Variants in PPARGC1A observed in about 807,000 individuals in gnomAD.
The protein encoded by PPARGC1A is PPARG coactivator 1 alpha, also known as peroxisome proliferator-activated receptor gamma coactivator 1-alpha.
In PPARGC1A, 25 loss-of-function variants were observed where a neutral mutation model predicts 88.7. The ratio of observed to expected loss-of-function variants is 0.28; its 90% confidence interval spans 0.21 to 0.39. The LOEUF is 0.39. Among genes scored for constraint, PPARGC1A ranks in the 10% least tolerant of loss-of-function variants. The probability of loss-of-function intolerance (pLI) is 1.00; values close to 1 mark genes in which losing one functional copy is unlikely to be tolerated. For synonymous variants in PPARGC1A, 363 were observed against 355.6 expected (o/e 1.02, Z -0.24); for missense variants, 880 against 968.7 (o/e 0.91, Z 1.22).
chr4:24,277,336 G>A, the PPARGC1A span, among the ~76,000 whole-genome samples: 1 of 152,118 alleles, frequency 6.6e-6, no homozygotes, highest in South Asian at 2.1e-4. Flanking sequence ...TCTCCTGACA[G>A]ATGAGCCCCT....
chr4:23,962,709 C>T, the PPARGC1A span, among the ~76,000 whole-genome samples: 2 of 152,124 alleles, frequency 1.3e-5, no homozygotes, highest in Non-Finnish European at 1.5e-5. Context: ...GGAGCCTGCA[C>T]GTACAGATTA....
At chr4:24,391,483 T>C in the PPARGC1A span, among the ~76,000 whole-genome samples, 1 of 152,172 alleles carries the variant, frequency 6.6e-6, no homozygotes, top group Non-Finnish European at 1.5e-5. Flanking sequence ...TGGTTCTGGT[T>C]GGAAATTGAG....
At chr4:24,030,897 G>A in the PPARGC1A span, among the ~76,000 whole-genome samples, 3 of 152,306 alleles carry the variant, frequency 2.0e-5, no homozygotes, top group South Asian at 2.1e-4. Context: ...ACAGTTGTTT[G>A]TGCCAGGCAC....
At chr4:24,310,574 G>A in the PPARGC1A span, among the ~76,000 whole-genome samples, 1 of 152,122 alleles carries the variant, frequency 6.6e-6, no homozygotes, top group Non-Finnish European at 1.5e-5. Context: ...GGGGCCAACT[G>A]AAAGCCCATC....
At chr4:24,456,934 T>G in the PPARGC1A span, among the ~76,000 whole-genome samples, 5 of 152,298 alleles carry the variant, frequency 3.3e-5, no homozygotes, top group South Asian at 1.0e-3. Context: ...GGATATTTCC[T>G]GCACACGCAG....
the PPARGC1A span, among the ~76,000 whole-genome samples, chr4:24,223,070 C>G: frequency 2.0e-5 from 3 of 152,034 alleles, no homozygotes; most frequent in East Asian, 5.8e-4. Flanking sequence ...TTTTGGAAAA[C>G]ATCATGACAG....
the PPARGC1A span, among the ~76,000 whole-genome samples, chr4:24,423,960 A>G: frequency 6.6e-6 from 1 of 152,168 alleles, no homozygotes; most frequent in Non-Finnish European, 1.5e-5. Context: ...CCTTTTCTAG[A>G]TCTGAGTCTC....
At chr4:24,092,087 C>G in the PPARGC1A span, among the ~76,000 whole-genome samples, 2 of 151,954 alleles carry the variant, frequency 1.3e-5, no homozygotes, top group Non-Finnish European at 2.9e-5. Flanking sequence ...CAAAAAGCAG[C>G]GTATGAATCA....
chr4:23,873,840 C>A (rs1350650999), intron 2 of PPARGC1A, among the ~76,000 whole-genome samples: 1 of 152,066 alleles, frequency 6.6e-6, no homozygotes, highest in Non-Finnish European at 1.5e-5. Flanking sequence ...GCTACTCACA[C>A]ATACACAACC....
chr4:24,018,661 C>A, the PPARGC1A span, among the ~76,000 whole-genome samples: 4 of 152,182 alleles, frequency 2.6e-5, no homozygotes, highest in African/African-American at 9.7e-5. Flanking sequence ...TTCAAATGTT[C>A]CTGATCTTTC....
chr4:24,298,067 G>C, the PPARGC1A span, among the ~76,000 whole-genome samples: 51 of 152,160 alleles, frequency 3.4e-4, no homozygotes, highest in African/African-American at 1.2e-3. Flanking sequence ...CCTCCATGGA[G>C]GCATATTTTA....
chr4:24,368,882 T>C, the PPARGC1A span, among the ~76,000 whole-genome samples: 1 of 152,092 alleles, frequency 6.6e-6, no homozygotes, highest in African/African-American at 2.4e-5. Flanking sequence ...TGTGGCCTGT[T>C]AACTCAGTTT....
At chr4:24,044,521 T>A in the PPARGC1A span, among the ~76,000 whole-genome samples, 4 of 150,090 alleles carry the variant, frequency 2.7e-5, no homozygotes, top group Admixed American at 2.7e-4. Flanking sequence ...GCATGCTTCC[T>A]AACTACCCAC....
the PPARGC1A span, among the ~76,000 whole-genome samples, chr4:24,383,877 G>A: frequency 2.6e-5 from 4 of 151,998 alleles, no homozygotes; most frequent in African/African-American, 7.2e-5. Flanking sequence ...TATAGAGAAC[G>A]CCACAAAGAT....
the PPARGC1A span, among the ~76,000 whole-genome samples, chr4:23,997,790 C>A: frequency 6.6e-6 from 1 of 152,050 alleles, no homozygotes; most frequent in Non-Finnish European, 1.5e-5. Flanking sequence ...CCGTGCCTGG[C>A]CAAAATCCCT....
the PPARGC1A span, among the ~76,000 whole-genome samples, chr4:24,170,683 C>T: frequency 3.7e-4 from 57 of 152,260 alleles, 1 homozygote; most frequent in Middle Eastern, 3.4e-3. Flanking sequence ...CCATTTGGTA[C>T]GGAACAACCA....
At chr4:24,410,925 G>A in the PPARGC1A span, among the ~76,000 whole-genome samples, 30,238 of 152,000 alleles carry the variant, frequency 0.2, 3,887 homozygotes, top group Non-Finnish European at 0.28. Flanking sequence ...TGGCTTCCTT[G>A]CTCCTCACCT....
At chr4:23,972,412 T>C in the PPARGC1A span, among the ~76,000 whole-genome samples, 2 of 152,196 alleles carry the variant, frequency 1.3e-5, no homozygotes, top group Admixed American at 6.5e-5. Context: ...CTGTTACTCA[T>C]TGGGATTGCA....
chr4:24,387,553 A>G, the PPARGC1A span, among the ~76,000 whole-genome samples: 4 of 151,720 alleles, frequency 2.6e-5, no homozygotes, highest in African/African-American at 9.7e-5. Context: ...GTGAAACCCC[A>G]TCTCTACTAA....
Sources: gnomAD v4.1 joint callset for allele counts (sites outside exome capture counted in the v4.1 genomes callset) on GRCh38, gnomAD v4.1.1 for gene constraint, MANE v1.5 for transcripts, NCBI Gene and HGNC (gene_info 2026-07-23, HGNC 2026-07-21) for gene names.